The following TAF1B variants were observed in gnomAD, a reference collection of about 807,000 sequenced individuals.
TAF1B encodes the protein TATA box-binding protein-associated factor RNA polymerase I subunit B.
In TAF1B, 61 loss-of-function variants were observed where a neutral mutation model predicts 83.9. The ratio of observed to expected loss-of-function variants is 0.73; its 90% CI spans 0.59 to 0.90. The LOEUF (loss-of-function observed/expected upper bound fraction) is 0.90, where lower values mean the gene tolerates loss of function less well. Among genes scored for constraint, TAF1B ranks in the 40% least tolerant of loss-of-function variants. TAF1B has a pLI of 0.00. For synonymous variants in TAF1B, 221 were observed against 224.6 expected, an observed-to-expected ratio of 0.98 and a Z score of 0.14; for missense variants, 625 against 677.0, an observed-to-expected ratio of 0.92 and a Z score of 0.85.
chr2:9,875,737 T>G, intron 6 of TAF1B, 128 bp from the exon 7 acceptor site: 12 of 928,022 alleles, frequency 1.3e-5, no homozygotes, highest in Non-Finnish European at 1.9e-5. Context: ...CAGTTCAAGA[T>G]GAGATTTGGG....
chr2:9,926,048 A>AC (rs1472358556), intron 14 of TAF1B, among the ~76,000 whole-genome samples: 1 of 151,572 alleles, frequency 6.6e-6, no homozygotes, highest in South Asian at 2.1e-4. Flanking sequence ...AGTATAAAGA[A>AC]CCCCCCGTCT....
rs765130049 is a variant in TAF1B, at chr2:9,845,217, T to C, written c.19-3T>C. ...ACACCTTTTCTGTCCTCTTCTCCCATAGGAAGAGTTTAAAGAACGCTGTAC... is the reference window on the plus strand; with the variant it reads ...ACACCTTTTCTGTCCTCTTCTCCCACAGGAAGAGTTTAAAGAACGCTGTAC... On this transcript the variant is annotated splice_polypyrimidine_tract_variant and splice_region_variant and intron_variant, in intron 1 of 14. Coordinates refer to ENST00000263663, the MANE Select transcript of TAF1B (RefSeq NM_005680.3). The C allele has an allele frequency of 1.9e-6, 3 of 1,611,628 alleles. No individual in the cohort carries two copies. The highest frequency in any genetic ancestry group is 3.3e-5 in the Admixed American group (2 of 60,002).
intron 8 of TAF1B, among the ~76,000 whole-genome samples, chr2:9,895,393 C>G (rs1391901400): frequency 1.3e-5 from 2 of 152,100 alleles, no homozygotes; most frequent in Non-Finnish European, 2.9e-5. Flanking sequence ...CCCAGCTACT[C>G]AGGAGGCTGA....
intron 14 of TAF1B, among the ~76,000 whole-genome samples, chr2:9,923,256 ATTATTTC>A (rs1665933402): frequency 6.9e-6 from 1 of 144,694 alleles, no homozygotes; most frequent in South Asian, 2.2e-4. Flanking sequence ...AAAAAAAAAA[ATTATTTC>A]TTAAGTTGGT....
Position 9,875,917 on chromosome 2 carries a change from G to A in TAF1B, c.606G>A (p.Lys202=), listed in dbSNP as rs1463454175. 1 of 1,612,742 alleles carries A rather than the reference G, an allele frequency of 6.2e-7. No individual in the cohort carries two copies. Among genetic ancestry groups the A allele is most frequent in the African/African-American group, 1.3e-5 (1 of 74,890 alleles). The part of the protein sequence containing the change: ...SLDGVEYSQR[K]EKGIVKMTMP... Reference sequence around the variant, plus strand: ...ATGGAGTTGAATACTCACAACGAAAGGAGAAGGGAATCGTGAAGATGACCA... The same window carrying A: ...ATGGAGTTGAATACTCACAACGAAAAGAGAAGGGAATCGTGAAGATGACCA... The change falls in exon 7 of 15, where the codon AAG becomes AAA. Residue 202 remains lysine (K), a synonymous_variant. Transcript: ENST00000263663.
At chr2:9,894,365 A>G (rs2125163186) in intron 8 of TAF1B, among the ~76,000 whole-genome samples, 1 of 152,288 alleles carries the variant, frequency 6.6e-6, no homozygotes, top group East Asian at 1.9e-4. Context: ...AAATAGTGGC[A>G]TTTGGTTAAG....
At chr2:9,858,901 G>A (rs1663656244) in intron 5 of TAF1B, among the ~76,000 whole-genome samples, 1 of 152,232 alleles carries the variant, frequency 6.6e-6, no homozygotes. Context: ...CCTGTGATGG[G>A]AGGGGCTGTC....
chr2:9,851,602 A>G lies in TAF1B; in HGVS notation c.267A>G (p.Glu89=). Residue 89 remains glutamate (E), a synonymous_variant, in exon 4 of 15, where the codon GAA becomes GAG. Coordinates refer to ENST00000263663, the MANE Select transcript of TAF1B (RefSeq NM_005680.3). Reference sequence around the variant, plus strand: ...AGTATATTCTTTATCAACAAGCAGAAGCCTTAAAGAACCTTGGAGTAGGCC... The same window carrying G: ...AGTATATTCTTTATCAACAAGCAGAGGCCTTAAAGAACCTTGGAGTAGGCC... ...GFQYILYQQA[E]ALKNLGVGPE... is the part of the protein sequence containing the mutation. 2 of 1,612,908 alleles carry G rather than the reference A, an allele frequency of 1.2e-6. No individual in the cohort carries two copies. The highest frequency in any genetic ancestry group is 8.5e-7 in the Non-Finnish European group (1 of 1,179,728).
Position 9,862,963 on chromosome 2 carries a change from A to G in TAF1B, c.400-5313A>G, listed in dbSNP as rs537263299. Among the ~76,000 whole-genome samples, 574 of 152,324 alleles carry G rather than the reference A, an allele frequency of 3.8e-3. 2 individuals carry two copies. Among genetic ancestry groups the G allele is most frequent in the Non-Finnish European group, 5.1e-3 (348 of 68,012 alleles). On this transcript the variant is annotated intron_variant, in intron 5 of 14. Transcript: ENST00000263663. ...AAGGAAGCACTAAACATGGAAAGGAACAACCGGTACCAGCCACTGCAAAAA... is the reference window on the plus strand; with the variant it reads ...AAGGAAGCACTAAACATGGAAAGGAGCAACCGGTACCAGCCACTGCAAAAA...
chr2:9,881,987 C>T (rs957373479), intron 7 of TAF1B, among the ~76,000 whole-genome samples: 1 of 152,034 alleles, frequency 6.6e-6, no homozygotes, highest in Non-Finnish European at 1.5e-5. Context: ...TCAAGGTAGA[C>T]CTCCTTGAAG....
chr2:9,869,217 TTTTTG>T (rs796595416), intron 6 of TAF1B, among the ~76,000 whole-genome samples: 39 of 152,256 alleles, frequency 2.6e-4, no homozygotes, highest in African/African-American at 8.2e-4. Flanking sequence ...TGCTTATTTT[TTTTTG>T]TTTTGTTTTG....
At chr2:9,901,662 G>T (rs1444523089) in intron 8 of TAF1B, among the ~76,000 whole-genome samples, 1 of 152,072 alleles carries the variant, frequency 6.6e-6, no homozygotes, top group Non-Finnish European at 1.5e-5. Flanking sequence ...TAAGATTGCT[G>T]TAAATCTTAT....
rs1254517485 is a variant in TAF1B, at chr2:9,859,671, C to A, written c.399+5250C>A. Among the ~76,000 whole-genome samples, 4 of 152,174 alleles carry A rather than the reference C, an allele frequency of 2.6e-5. No homozygotes were observed. In the East Asian group the frequency reaches 7.7e-4, roughly 29 times the overall value. On this transcript the variant is annotated intron_variant, in intron 5 of 14. Coordinates refer to ENST00000263663, the MANE Select transcript of TAF1B (RefSeq NM_005680.3). The stretch of plus-strand genomic sequence containing the variant: ...AAAGTGCTGAGATTATAGGCATGAG[C>A]CATCGCACCTGGCCGCTAACAGCAT...
intron 14 of TAF1B, among the ~76,000 whole-genome samples, chr2:9,925,136 A>G (rs1421372279): frequency 6.6e-6 from 1 of 152,102 alleles, no homozygotes; most frequent in Non-Finnish European, 1.5e-5. Flanking sequence ...ATTTTTTTAA[A>G]CTATAGTGAA....
At chr2:9,852,925 G>A (rs1335173777) in intron 4 of TAF1B, among the ~76,000 whole-genome samples, 3 of 152,170 alleles carry the variant, frequency 2.0e-5, no homozygotes, top group African/African-American at 4.8e-5. Context: ...GAACAACCAC[G>A]ATTTCAGTGC....
intron 8 of TAF1B, among the ~76,000 whole-genome samples, chr2:9,894,228 A>G (rs1664953806): frequency 9.4e-6 from 1 of 105,984 alleles, no homozygotes; most frequent in Admixed American, 1.2e-4. Context: ...ATAGCTATAA[A>G]ACAGTAAGTT....
intron 6 of TAF1B, among the ~76,000 whole-genome samples, chr2:9,869,425 A>G (rs905000793): frequency 6.6e-6 from 1 of 151,340 alleles, no homozygotes; most frequent in Non-Finnish European, 1.5e-5. Context: ...GGGTTTCACC[A>G]TGTTGGTCAG....
intron 7 of TAF1B, among the ~76,000 whole-genome samples, chr2:9,880,628 T>C (rs917156207): frequency 6.6e-6 from 1 of 152,148 alleles, no homozygotes; most frequent in Non-Finnish European, 1.5e-5. Flanking sequence ...GTTGTGCTGC[T>C]TGAGACAGTG....
intron 9 of TAF1B, among the ~76,000 whole-genome samples, chr2:9,905,774 C>A (rs1266394609): frequency 1.3e-5 from 2 of 151,918 alleles, no homozygotes; most frequent in African/African-American, 4.8e-5. Flanking sequence ...GTGAAAAAAG[C>A]AATATATGAA....
Sources: gnomAD v4.1 joint callset for allele counts (sites outside exome capture counted in the v4.1 genomes callset) on GRCh38, gnomAD v4.1.1 for gene constraint, MANE v1.5 for transcripts, NCBI Gene and HGNC (gene_info 2026-07-23, HGNC 2026-07-21) for gene names.